DEDD2: variants seen among roughly 807,000 people sequenced by gnomAD.
The protein encoded by DEDD2 is DNA-binding death effector domain-containing protein 2.
A neutral mutation model predicts 28.9 loss-of-function variants in DEDD2; 18 were observed. The ratio of observed to expected loss-of-function variants is 0.62; its 90% CI spans 0.43 to 0.92. DEDD2 has a LOEUF of 0.92. DEDD2 is among the 40% of genes least tolerant of loss of function. The pLI, the probability that DEDD2 is intolerant of heterozygous loss-of-function variation, is 0.00. For missense variants in DEDD2, 411 were observed against 463.3 expected, an observed-to-expected ratio of 0.89 and a Z score of 1.04; for synonymous variants, 211 against 206.1, an observed-to-expected ratio of 1.02 and a Z score of -0.20.
At chr19:42,217,104 C>T in intron 1 of DEDD2, 59 bp from the exon 2 acceptor site, 2 of 1,298,162 alleles carry the variant, frequency 1.5e-6, no homozygotes, top group African/African-American at 1.5e-5. Flanking sequence ...CCGAACCCCA[C>T]ACCGCCAGCG....
rs369499657 is a variant in DEDD2 at position 42,199,540 on chromosome 19, A to G, written c.879T>C (p.Val293=). The G allele has an allele frequency of 1.9e-5, 30 of 1,613,962 alleles. No individual in the cohort carries two copies. Among genetic ancestry groups the G allele is most frequent in the African/African-American group, 4.0e-5 (3 of 74,938 alleles). Residue 293 remains valine (V), a synonymous_variant, in exon 5 of 5, where the codon GTT becomes GTC. Transcript: ENST00000596251. The surrounding 1 kb of genome is among the most constrained non-coding windows in gnomAD (Gnocchi z 7.4). The stretch of plus-strand genomic sequence containing the variant: ...CCTCATCCACACTGACCAGCAGGCG[A>G]ACAGCCTCCCGGCCCACAGCCTCTC... ...ALREAVGREA[V]RLLVSVDEAD...
intron 3 of DEDD2, chr19:42,212,037 C>CAATAACAATAATAAT (rs2035787202): frequency 1.4e-5 from 2 of 144,736 alleles, no homozygotes; most frequent in African/African-American, 5.2e-5. Context: ...AACTCTTTCT[C>CAATAACAATAATAAT]AATAATAATA....
At chr19:42,213,647 A>T (rs892329517) in intron 3 of DEDD2, among the ~76,000 whole-genome samples, 1 of 152,226 alleles carries the variant, frequency 6.6e-6, no homozygotes, top group African/African-American at 2.4e-5. Flanking sequence ...AATGTAAGGG[A>T]AAGAGGGACG....
At chr19:42,217,797 C>T (rs2036049039), upstream of DEDD2, 1 of 152,384 alleles carries the variant, frequency 6.6e-6, no homozygotes, top group Admixed American at 6.5e-5. Context: ...CAGAACGAGG[C>T]CTCCAAGCCC....
intron 3 of DEDD2, among the ~76,000 whole-genome samples, chr19:42,213,680 A>G (rs1224047727): frequency 6.6e-6 from 1 of 152,336 alleles, no homozygotes; most frequent in East Asian, 1.9e-4. Flanking sequence ...CCATCAGGAA[A>G]AAAACAGACA....
intron 3 of DEDD2, 124 bp from the exon 4 acceptor site, chr19:42,209,964 C>T (rs1276277471): frequency 7.8e-7 from 1 of 1,278,178 alleles, no homozygotes; most frequent in Non-Finnish European, 1.0e-6. Flanking sequence ...GTCTGCCTCC[C>T]TTCTTCAGTG....
chr19:42,210,379 T>C (rs983482044), intron 3 of DEDD2, among the ~76,000 whole-genome samples: 1 of 152,146 alleles, frequency 6.6e-6, no homozygotes, highest in African/African-American at 2.4e-5. Flanking sequence ...AGAAATGACA[T>C]GTCTAAAAAT....
upstream of DEDD2, among the ~76,000 whole-genome samples, chr19:42,217,949 A>G (rs1160057847): frequency 6.6e-6 from 1 of 150,968 alleles, no homozygotes; most frequent in Non-Finnish European, 1.5e-5. Flanking sequence ...CCCGTGACTC[A>G]AGCCACCGGG....
Position 42,199,479 on chromosome 19 carries a change from T to A in DEDD2, c.940A>T (p.Met314Leu), listed in dbSNP as rs753860834. 4 of 1,612,058 alleles carry A rather than the reference T, an allele frequency of 2.5e-6. No homozygotes were observed. Among genetic ancestry groups the A allele is most frequent in the East Asian group, 2.2e-5 (1 of 44,848 alleles). ...GGGCGCCGCCCCCCTTCCTCCTCCA[T>A]CAGCAACAGGCGGCGCCGGCCAGCC... ...YEAGRRRLLLMEEEGGRRPTE... is the reference protein window; with the variant it reads ...YEAGRRRLLLLEEEGGRRPTE... Residue 314 changes from methionine to leucine, a missense_variant, in exon 5 of 5, where the codon ATG becomes TTG. Coordinates refer to ENST00000596251, the MANE Select transcript of DEDD2 (RefSeq NM_133328.4). This position sits in a 1 kb window ranked among gnomAD's most constrained non-coding sequence, Gnocchi z 7.4.
chr19:42,215,418 G>C (rs1347208506), intron 2 of DEDD2, among the ~76,000 whole-genome samples, 166 bp from the exon 3 acceptor site: 1 of 152,206 alleles, frequency 6.6e-6, no homozygotes, highest in African/African-American at 2.4e-5. Flanking sequence ...TGCCTCCTAA[G>C]AGAGAGAACT....
upstream of DEDD2, among the ~76,000 whole-genome samples, chr19:42,218,857 A>G (rs1472914982): frequency 6.6e-6 from 1 of 151,952 alleles, no homozygotes; most frequent in Non-Finnish European, 1.5e-5. Flanking sequence ...ACATGATGAA[A>G]CCCTGTCTGT....
At position 42,199,113 on chromosome 19, in the gene DEDD2, A is replaced by T. The variant is rs921870449; in HGVS notation, c.*325T>A. 1 of 360,188 alleles carries T rather than the reference A, an allele frequency of 2.8e-6. No homozygotes were observed. The highest frequency in any genetic ancestry group is 2.1e-5 in the African/African-American group (1 of 48,288). The allele number at this position is 360,188 out of a possible 1,614,324, so 22.3% of individuals were successfully genotyped here. On this transcript the variant is annotated 3_prime_UTR_variant, in exon 5 of 5. Coordinates refer to ENST00000596251, the MANE Select transcript of DEDD2 (RefSeq NM_133328.4). This position sits in a 1 kb window ranked among gnomAD's most constrained non-coding sequence, Gnocchi z 7.4. ...CCTGTGACAGTGCAGACAGCCCAAG[A>T]TCAGAGATACAATGTGCAGGGGGGC... is the stretch of plus-strand genomic sequence containing the variant.
At chr19:42,205,200 G>A (rs1295718066) in intron 4 of DEDD2, among the ~76,000 whole-genome samples, 2 of 152,156 alleles carry the variant, frequency 1.3e-5, no homozygotes, top group African/African-American at 2.4e-5. Flanking sequence ...AAAATACAAC[G>A]CAAGGCGGAG....
chr19:42,207,961 G>A (rs2035598594), intron 4 of DEDD2, among the ~76,000 whole-genome samples: 1 of 152,116 alleles, frequency 6.6e-6, no homozygotes, highest in African/African-American at 2.4e-5. Flanking sequence ...CCTTGAGCTT[G>A]TTCTAGACAT....
At position 42,199,618 on chromosome 19, in the gene DEDD2, CAG is replaced by C; in HGVS notation, c.799_800del (p.Leu267GlufsTer15). The C allele has an allele frequency of 6.2e-7, 1 of 1,614,158 alleles. No homozygotes were observed. Among genetic ancestry groups the C allele is most frequent in the Non-Finnish European group, 8.5e-7 (1 of 1,179,986 alleles). On this transcript the variant is annotated frameshift_variant, in exon 5 of 5. Transcript: ENST00000596251. LOFTEE classifies it high-confidence loss of function. The surrounding 1 kb of genome is among the most constrained non-coding windows in gnomAD (Gnocchi z 7.4). Reference sequence around the variant, plus strand: ...GCAGGGCCTGCAGCAGGGCGCCACTCAGGTAGTCGCCCCAGAAGGCGTCCAGA... The same window carrying C: ...GCAGGGCCTGCAGCAGGGCGCCACTCGTAGTCGCCCCAGAAGGCGTCCAGA... ...SYLDAFWGDYLSGALLQALRG... is the reference protein window; with the variant it reads ...SYLDAFWGDYXSGALLQALRG...
In DEDD2 at chr19:42,217,109, C is replaced by T. The variant is rs531319136; in HGVS notation, c.-38-64G>A. 343 of 1,254,450 alleles carry T rather than the reference C, an allele frequency of 2.7e-4. 2 individuals are homozygous for T. The Middle Eastern group carries it at 6.9e-3, about 25-fold the overall frequency. 77.7% of individuals were successfully genotyped at this position (1,254,450 alleles called of 1,614,324 possible). A position where few individuals can be genotyped will look rare whatever the true frequency, so the allele number is the denominator to read the frequency against. On this transcript the variant is annotated intron_variant, in intron 1 of 4. Coordinates refer to ENST00000596251, the MANE Select transcript of DEDD2 (RefSeq NM_133328.4). ...ACGCGGAGGCCCGAACCCCACACCG[C>T]CAGCGCGTCTCCCCCGCCCAATCGC...
At position 42,209,681 on chromosome 19, in the gene DEDD2, A is replaced by G. The variant is rs774934015; in HGVS notation, c.589+19T>C. The G allele has an allele frequency of 6.9e-6, 11 of 1,601,550 alleles. No homozygotes were observed. The highest frequency in any genetic ancestry group is 1.1e-5 in the South Asian group (1 of 90,070). The stretch of plus-strand genomic sequence containing the variant: ...CCCGGGGCACTCTACATGCATTGCC[A>G]AAGCCTACAGACACCTACCACAGGT... On this transcript the variant is annotated intron_variant, in intron 4 of 4. Coordinates refer to ENST00000596251, the MANE Select transcript of DEDD2 (RefSeq NM_133328.4).
At chr19:42,200,849 G>T (rs1244457094) in intron 4 of DEDD2, among the ~76,000 whole-genome samples, 2 of 152,180 alleles carry the variant, frequency 1.3e-5, no homozygotes, top group Non-Finnish European at 2.9e-5. Flanking sequence ...TGTGTACAGG[G>T]GACAGGACAC....
Position 42,211,131 on chromosome 19 carries a change from T to C in DEDD2, c.449-1291A>G, listed in dbSNP as rs2341372. On this transcript the variant is annotated intron_variant, in intron 3 of 4. Transcript: ENST00000596251. ...AGAAAATGAACCTGGTCGGATGTTG[T>C]GGTTCATGTCTGTAATCCCAGCCTA... Among the ~76,000 whole-genome samples the C allele has an allele frequency of 2.5e-3, 382 of 151,510 alleles. 2 individuals carry two copies. Among genetic ancestry groups the C allele is most frequent in the African/African-American group, 8.9e-3 (366 of 41,280 alleles).
Sources: allele counts gnomAD v4.1 joint callset (sites outside exome capture counted in the v4.1 genomes callset), GRCh38; gene constraint gnomAD v4.1.1; non-coding constraint Gnocchi (gnomAD v3.1); transcripts MANE v1.5; gene names NCBI Gene and HGNC (gene_info 2026-07-23, HGNC 2026-07-21).